MMRN1: variants seen among roughly 807,000 people sequenced by gnomAD.
MMRN1 encodes multimerin 1, also known as multimerin-1.
Under a neutral mutation model 100.7 loss-of-function variants are expected in MMRN1, and 94 were observed. The ratio of observed to expected loss-of-function variants is 0.93; its 90% CI spans 0.79 to 1.11. MMRN1 has a LOEUF of 1.11. Ranked by LOEUF, MMRN1 falls within the 50% of genes least tolerant of loss-of-function variation. The pLI, the probability that MMRN1 is intolerant of heterozygous loss-of-function variation, is 0.00. For synonymous variants in MMRN1, 575 were observed against 505.0 expected, an observed-to-expected ratio of 1.14 and a Z score of -1.86; for missense variants, 1,606 against 1,439.1, an observed-to-expected ratio of 1.12 and a Z score of -1.88.
chr4:89,879,568 G>A (rs1252555780), exon 1 of MMRN1: 1 of 152,092 alleles, frequency 6.6e-6, no homozygotes, highest in East Asian at 1.9e-4. Flanking sequence ...ATTGATGTTA[G>A]CATTTGGTTA....
intron 6 of MMRN1, among the ~76,000 whole-genome samples, chr4:89,950,087 C>T (rs949687983): frequency 6.6e-6 from 1 of 152,152 alleles, no homozygotes; most frequent in African/African-American, 2.4e-5. Context: ...TAATTTGAAG[C>T]TTTCACAACA....
At chr4:89,883,491 T>G (rs917399549) in intron 1 of MMRN1, among the ~76,000 whole-genome samples, 1 of 152,150 alleles carries the variant, frequency 6.6e-6, no homozygotes, top group African/African-American at 2.4e-5. Context: ...CTCCGATCAC[T>G]AAAGATGCTG....
chr4:89,940,439 A>T (rs982627430), intron 6 of MMRN1, among the ~76,000 whole-genome samples: 15 of 152,238 alleles, frequency 9.9e-5, no homozygotes, highest in African/African-American at 3.1e-4. Context: ...AAAAATTATC[A>T]TTGATGTGAA....
chr4:89,887,288 T>G (rs1299255283), intron 1 of MMRN1, among the ~76,000 whole-genome samples: 1 of 151,914 alleles, frequency 6.6e-6, no homozygotes, highest in Non-Finnish European at 1.5e-5. Flanking sequence ...CTTCCAGAAA[T>G]AGAAAAAAAT....
At chr4:89,895,661 T>C in intron 1 of MMRN1, 67 bp downstream of exon 1, 2 of 1,476,732 alleles carry the variant, frequency 1.4e-6, no homozygotes, top group Non-Finnish European at 1.8e-6. Flanking sequence ...CAAGTGAAAT[T>C]TACCTCACTC....
intron 1 of MMRN1, among the ~76,000 whole-genome samples, chr4:89,886,044 TA>T (rs1288594900): frequency 2.0e-4 from 30 of 147,520 alleles, no homozygotes; most frequent in Admixed American, 1.9e-3. Context: ...TATGCCTGGC[TA>T]ATTTTTTTTT....
chr4:89,901,328 G>A (rs1295859219), intron 1 of MMRN1, among the ~76,000 whole-genome samples: 1 of 151,804 alleles, frequency 6.6e-6, no homozygotes, highest in Admixed American at 6.6e-5. Flanking sequence ...CAGAAAAAGA[G>A]GGATTTTTTT....
At chr4:89,934,776 A>T in intron 5 of MMRN1, 34 bp from the exon 6 acceptor site, 1 of 1,247,124 alleles carries the variant, frequency 8.0e-7, no homozygotes, top group Non-Finnish European at 1.1e-6. Context: ...TCATATAATT[A>T]AAACTATGTA....
At chr4:89,892,032 TG>T (rs1721066556), upstream of MMRN1, among the ~76,000 whole-genome samples, 1 of 151,918 alleles carries the variant, frequency 6.6e-6, no homozygotes. Flanking sequence ...AATCTTTTTT[TG>T]TTTTTTTTTC....
At chr4:89,905,181 A>G (rs117039936) in intron 1 of MMRN1, among the ~76,000 whole-genome samples, 1,870 of 151,648 alleles carry the variant, frequency 0.012, 69 homozygotes, top group Admixed American at 0.062. Context: ...TTTTATCACT[A>G]TGGACTTCAG....
At chr4:89,890,411 A>G (rs1203111581), upstream of MMRN1, among the ~76,000 whole-genome samples, 1 of 152,134 alleles carries the variant, frequency 6.6e-6, no homozygotes, top group Middle Eastern at 3.4e-3. Context: ...TCCAGTACCC[A>G]GAAATGAGGC....
intron 6 of MMRN1, among the ~76,000 whole-genome samples, chr4:89,941,242 A>G (rs1722812362): frequency 6.6e-6 from 1 of 152,178 alleles, no homozygotes; most frequent in Non-Finnish European, 1.5e-5. Context: ...ACGTGTACGC[A>G]TTTGGTAATT....
At chr4:89,938,953 A>G (rs1466763662) in intron 6 of MMRN1, among the ~76,000 whole-genome samples, 3 of 151,968 alleles carry the variant, frequency 2.0e-5, no homozygotes, top group Non-Finnish European at 2.9e-5. Context: ...AACATAATGT[A>G]TGGGACCCTT....
intron 6 of MMRN1, among the ~76,000 whole-genome samples, chr4:89,945,307 A>G (rs542850487): frequency 3.9e-4 from 59 of 152,282 alleles, no homozygotes; most frequent in African/African-American, 1.4e-3. Flanking sequence ...TGCTATAAAC[A>G]TTCACATACA....
intron 1 of MMRN1, among the ~76,000 whole-genome samples, chr4:89,895,974 T>C (rs1418783324): frequency 2.0e-5 from 3 of 152,040 alleles, no homozygotes; most frequent in Admixed American, 6.6e-5. Flanking sequence ...ATAAATAAAA[T>C]TGGGGCTTGA....
intron 2 of MMRN1, among the ~76,000 whole-genome samples, chr4:89,911,350 T>C (rs1397495707): frequency 6.6e-6 from 1 of 151,382 alleles, no homozygotes; most frequent in Non-Finnish European, 1.5e-5. Flanking sequence ...AATTTCCTCA[T>C]ATTACATCCC....
At position 89,923,286 on chromosome 4, in the gene MMRN1, AT is replaced by A. The variant is rs759807625; in HGVS notation, c.955+16del. 6.2e-7 allele frequency: 1 copy of A among 1,602,462 alleles called. No individual in the cohort carries two copies. The highest frequency in any genetic ancestry group is 1.7e-5 in the Admixed American group (1 of 59,816). The stretch of plus-strand genomic sequence containing the variant: ...GTGGTGACCCAGGTCATAGATTGTA[AT>A]TACTATCATCTCTGACCCAATTATT... On this transcript the variant is annotated intron_variant, in intron 4 of 7. Coordinates refer to ENST00000264790, the MANE Select transcript of MMRN1 (RefSeq NM_007351.3).
At chr4:89,932,243 C>T (rs1722462787) in intron 5 of MMRN1, among the ~76,000 whole-genome samples, 1 of 152,186 alleles carries the variant, frequency 6.6e-6, no homozygotes, top group Non-Finnish European at 1.5e-5. Context: ...ACATCCAGGT[C>T]ACACTGATGC....
At position 89,938,935 on chromosome 4, in the gene MMRN1, G is replaced by A. The variant is rs113492182; in HGVS notation, c.3118+2137G>A. Among the ~76,000 whole-genome samples the A allele has an allele frequency of 5.3e-3, 803 of 152,024 alleles. 6 individuals are homozygous for A. The highest frequency in any genetic ancestry group is 0.019 in the African/African-American group (771 of 41,472). ...GTAGATATTCCTTTTATGCCAGGCC[G>A]GGCCAGCAACATAATGTATGGGACC... On this transcript the variant is annotated intron_variant, in intron 6 of 7. Coordinates refer to ENST00000264790, the MANE Select transcript of MMRN1 (RefSeq NM_007351.3).
Sources: allele counts gnomAD v4.1 joint callset (sites outside exome capture counted in the v4.1 genomes callset), GRCh38; gene constraint gnomAD v4.1.1; transcripts MANE v1.5; gene names NCBI Gene and HGNC (gene_info 2026-07-23, HGNC 2026-07-21).